Variants in CCN4 observed in about 807,000 individuals in gnomAD.
The protein encoded by CCN4 is cellular communication network factor 4.
A neutral mutation model predicts 36.7 loss-of-function variants in CCN4; 30 were observed. The ratio of observed to expected loss-of-function variants is 0.82; its 90% CI spans 0.61 to 1.11. The LOEUF is 1.11. CCN4 is among the 50% of genes least tolerant of loss of function. The pLI, the probability that CCN4 is intolerant of heterozygous loss-of-function variation, is 0.00. For missense variants in CCN4, 505 were observed against 504.9 expected, an observed-to-expected ratio of 1.00 and a Z score of 0.00; for synonymous variants, 191 against 195.4, an observed-to-expected ratio of 0.98 and a Z score of 0.19.
At chr8:133,200,147 G>C (rs557474204) in intron 1 of CCN4, among the ~76,000 whole-genome samples, 5 of 152,328 alleles carry the variant, frequency 3.3e-5, no homozygotes, top group African/African-American at 9.6e-5. Flanking sequence ...CTGGGCGGTG[G>C]AGGGAGGACA....
rs1375288807 is a variant in CCN4, at chr8:133,212,966, T to G, written c.172T>G (p.Ser58Ala). The G allele has an allele frequency of 6.2e-7, 1 of 1,613,934 alleles. No individual in the cohort carries two copies. The highest frequency in any genetic ancestry group is 2.2e-5 in the East Asian group (1 of 44,834). Reference sequence around the variant, plus strand: ...CAAGTGGCCATGTGAGTGCCCGCCATCCCCACCCCGCTGCCCGCTGGGGGT... The same window carrying G: ...CAAGTGGCCATGTGAGTGCCCGCCAGCCCCACCCCGCTGCCCGCTGGGGGT... ...FCKWPCECPP[S>A]PPRCPLGVSL... Residue 58 changes from serine to alanine, a missense_variant, in exon 2 of 5, where the codon TCC (serine) becomes GCC (alanine). By Grantham distance (99) the Ser-to-Ala change is moderately conservative. Coordinates refer to ENST00000250160, the MANE Select transcript of CCN4 (RefSeq NM_003882.4).
intron 1 of CCN4, among the ~76,000 whole-genome samples, chr8:133,204,479 T>C (rs1468282593): frequency 6.6e-6 from 1 of 152,006 alleles, no homozygotes; most frequent in Non-Finnish European, 1.5e-5. Flanking sequence ...CCTATTTCTA[T>C]AAAAATTCCC....
At chr8:133,219,139 T>A (rs1854430385) in intron 2 of CCN4, among the ~76,000 whole-genome samples, 1 of 152,202 alleles carries the variant, frequency 6.6e-6, no homozygotes, top group Non-Finnish European at 1.5e-5. Flanking sequence ...CCATGAGTGT[T>A]CTTGCAAAGC....
intron 4 of CCN4, among the ~76,000 whole-genome samples, chr8:133,226,541 T>A (rs770841089): frequency 6.6e-6 from 1 of 152,192 alleles, no homozygotes; most frequent in Non-Finnish European, 1.5e-5. Flanking sequence ...TGGTATACAG[T>A]AAGCATTCCA....
At chr8:133,197,689 T>C (rs963548068) in intron 1 of CCN4, among the ~76,000 whole-genome samples, 1 of 152,146 alleles carries the variant, frequency 6.6e-6, no homozygotes, top group Non-Finnish European at 1.5e-5. Context: ...CCCCACCGTC[T>C]CCAATCTGGA....
intron 1 of CCN4, among the ~76,000 whole-genome samples, chr8:133,205,582 G>A (rs1053602740): frequency 5.5e-4 from 84 of 152,300 alleles, no homozygotes; most frequent in Admixed American, 2.7e-3. Context: ...GAAGATAGCC[G>A]TCAGGGCTCT....
At chr8:133,214,852 G>A (rs912722285) in intron 2 of CCN4, among the ~76,000 whole-genome samples, 14 of 152,110 alleles carry the variant, frequency 9.2e-5, no homozygotes, top group African/African-American at 1.2e-4. Flanking sequence ...CACACACAAC[G>A]TAGTCTCTCA....
At position 133,229,662 on chromosome 8, in the gene CCN4, C is replaced by T. The variant is rs1369411511; in HGVS notation, c.*1952C>T. ...AAAACCTAGTCCAGTGCAAGGTATA[C>T]AGTGGTGCTCATTAAATACTTGATG... On this transcript the variant is annotated 3_prime_UTR_variant, in exon 5 of 5. Coordinates refer to ENST00000250160, the MANE Select transcript of CCN4 (RefSeq NM_003882.4). 6.6e-6 allele frequency: 1 copy of T among 152,220 alleles called. No homozygotes were observed. The highest frequency in any genetic ancestry group is 2.4e-5 in the African/African-American group (1 of 41,462). 9.4% of individuals were successfully genotyped at this position (152,220 alleles called of 1,614,324 possible). A position where few individuals can be genotyped will look rare whatever the true frequency, so the allele number is the denominator to read the frequency against.
intron 3 of CCN4, among the ~76,000 whole-genome samples, chr8:133,221,599 G>A (rs1237593105): frequency 6.6e-6 from 1 of 151,838 alleles, no homozygotes; most frequent in Non-Finnish European, 1.5e-5. Context: ...ATAGATGGAT[G>A]GATAAATGGA....
intron 1 of CCN4, among the ~76,000 whole-genome samples, chr8:133,204,279 C>T (rs1853688095): frequency 1.3e-5 from 2 of 152,168 alleles, no homozygotes; most frequent in African/African-American, 4.8e-5. Flanking sequence ...AGTTGTGTCA[C>T]CCTGATGAAT....
rs1431927534 is a variant in CCN4, at chr8:133,229,133, T to C, written c.*1423T>C. 1.3e-5 allele frequency: 2 copies of C among 152,206 alleles called. No homozygotes were observed. Among genetic ancestry groups the C allele is most frequent in the African/African-American group, 4.8e-5 (2 of 41,458 alleles). The allele number at this position is 152,206 out of a possible 1,614,324, so 9.4% of individuals were successfully genotyped here. ...AATGTTGAGAAGTTCCCATTATTAT[T>C]TCTGTTCTTACAAATGTGAAACGGA... On this transcript the variant is annotated 3_prime_UTR_variant, in exon 5 of 5. Transcript: ENST00000250160.
intron 3 of CCN4, among the ~76,000 whole-genome samples, chr8:133,221,763 G>A (rs1366159549): frequency 6.6e-6 from 1 of 150,878 alleles, no homozygotes; most frequent in Non-Finnish European, 1.5e-5. Flanking sequence ...ATAACTAGAT[G>A]AGTGGACAGG....
At chr8:133,224,920 A>G (rs1854672025) in intron 3 of CCN4, among the ~76,000 whole-genome samples, 1 of 146,518 alleles carries the variant, frequency 6.8e-6, no homozygotes, top group Non-Finnish European at 1.5e-5. Flanking sequence ...AGGCAACAAG[A>G]GTGAAACTCT....
intron 1 of CCN4, among the ~76,000 whole-genome samples, chr8:133,192,859 A>T (rs1293935707): frequency 6.6e-6 from 1 of 152,228 alleles, no homozygotes; most frequent in East Asian, 1.9e-4. Context: ...GACAGAGCCG[A>T]GGACTCAGCC....
rs371083612 is a variant in CCN4, at chr8:133,194,267, G to A, written c.69+3054G>A. ...TGTGAGAGGGTGTGTGGGGGTATGC[G>A]TATGGTGTGTATGTGGGGTGTGTCT... On this transcript the variant is annotated intron_variant, in intron 1 of 4. Transcript: ENST00000250160. Among the ~76,000 whole-genome samples the A allele has an allele frequency of 1.4e-4, 20 of 144,676 alleles. 1 individual carries two copies. Among genetic ancestry groups the A allele is most frequent in the African/African-American group, 3.6e-4 (14 of 38,968 alleles). 94.9% of individuals were successfully genotyped at this position (144,676 alleles called of 152,430 possible). A position where few individuals can be genotyped will look rare whatever the true frequency, so the allele number is the denominator to read the frequency against.
chr8:133,221,972 A>G (rs1854549131), intron 3 of CCN4, among the ~76,000 whole-genome samples: 1 of 151,038 alleles, frequency 6.6e-6, no homozygotes, highest in Non-Finnish European at 1.5e-5. Context: ...ACGAGGGGAC[A>G]GATGGATGGA....
chr8:133,212,776 A>T (rs1186807071), intron 1 of CCN4, 88 bp from the exon 2 acceptor site: 36 of 1,014,848 alleles, frequency 3.5e-5, no homozygotes, highest in Admixed American at 1.1e-4. Context: ...TTTGAACAGC[A>T]TGAGGACAGG....
In CCN4 at chr8:133,201,084, A is replaced by C. The variant is rs137923909; in HGVS notation, c.69+9871A>C. Among the ~76,000 whole-genome samples, 44 of 152,278 alleles carry C rather than the reference A, an allele frequency of 2.9e-4. No individual in the cohort carries two copies. The East Asian group carries it at 4.1e-3, about 14-fold the overall frequency. ...TCGTAGCCCTTACTTAGACTATGCT[A>C]AGTTACCTTACAGTGTGGCCCTTAG... On this transcript the variant is annotated intron_variant, in intron 1 of 4. Transcript: ENST00000250160.
intron 1 of CCN4, 132 bp downstream of exon 1, chr8:133,191,345 C>T (rs769022883): frequency 9.2e-7 from 1 of 1,086,504 alleles, no homozygotes; most frequent in Non-Finnish European, 1.3e-6. Flanking sequence ...ACTTACAGGG[C>T]AAGGACAGAG....
Sources: gnomAD v4.1 joint callset for allele counts (sites outside exome capture counted in the v4.1 genomes callset) on GRCh38, gnomAD v4.1.1 for gene constraint, MANE v1.5 for transcripts, NCBI Gene and HGNC (gene_info 2026-07-23, HGNC 2026-07-21) for gene names.